ERC2: variants seen among roughly 807,000 people sequenced by gnomAD.
The protein encoded by ERC2 is ERC protein 2.
ERC2 carries 42 observed loss-of-function variants against 114.8 expected under a neutral mutation model. That is an observed-to-expected ratio of 0.37 (90% CI 0.29 to 0.47). The LOEUF is 0.47. Ranked by LOEUF, ERC2 falls within the 20% of genes least tolerant of loss-of-function variation. The pLI, the probability that ERC2 is intolerant of heterozygous loss-of-function variation, is 0.99. For synonymous variants in ERC2, 454 were observed against 425.5 expected (o/e 1.07, Z -0.82); for missense variants, 939 against 1,150.7 (o/e 0.82, Z 2.66).
intron 4 of ERC2, among the ~76,000 whole-genome samples, chr3:56,168,571 T>G (rs1487674827): frequency 2.6e-5 from 4 of 152,188 alleles, no homozygotes; most frequent in Non-Finnish European, 5.9e-5. Context: ...TATTGGGTTG[T>G]GCTGAGTAGT....
chr3:55,611,453 C>A (rs2058904996), intron 17 of ERC2, among the ~76,000 whole-genome samples: 1 of 152,208 alleles, frequency 6.6e-6, no homozygotes, highest in Non-Finnish European at 1.5e-5. Context: ...TCAGGAGAAG[C>A]AGGCTGGCTT....
At chr3:56,361,822 A>T (rs2058968611) in intron 2 of ERC2, among the ~76,000 whole-genome samples, 1 of 152,122 alleles carries the variant, frequency 6.6e-6, no homozygotes, top group Admixed American at 6.6e-5. Context: ...ATGCATCGTA[A>T]ATCATACACA....
chr3:55,743,261 G>A lies in ERC2; in HGVS notation c.2565-8343C>T, dbSNP rs747541141. Among the ~76,000 whole-genome samples the A allele has an allele frequency of 4.1e-5, 6 of 147,328 alleles. No individual in the cohort carries two copies. In the East Asian group the frequency reaches 1.2e-3, roughly 29 times the overall value. On this transcript the variant is annotated intron_variant, in intron 14 of 17. Transcript: ENST00000288221. ...AGCCAGGGAGGTGGCTGGCCCATCC[G>A]GCGGTTCCTCCAGTTTCTCCAACTG...
At chr3:56,045,211 A>G (rs901448417) in intron 7 of ERC2, among the ~76,000 whole-genome samples, 2 of 152,202 alleles carry the variant, frequency 1.3e-5, no homozygotes, top group African/African-American at 4.8e-5. Context: ...TCTCTAAAAG[A>G]GGGCGGTTAA....
At chr3:56,360,381 G>A (rs2058909230) in intron 2 of ERC2, among the ~76,000 whole-genome samples, 1 of 152,120 alleles carries the variant, frequency 6.6e-6, no homozygotes. Flanking sequence ...GACTCTGGCA[G>A]GTGTGGGGCC....
At chr3:56,096,722 G>A (rs762594183) in intron 6 of ERC2, among the ~76,000 whole-genome samples, 1 of 152,156 alleles carries the variant, frequency 6.6e-6, no homozygotes, top group Non-Finnish European at 1.5e-5. Context: ...ATGTGTGTGT[G>A]TTGTGTGCTA....
At chr3:56,382,779 T>G (rs1410737739) in intron 2 of ERC2, among the ~76,000 whole-genome samples, 1 of 152,132 alleles carries the variant, frequency 6.6e-6, no homozygotes, top group Admixed American at 6.6e-5. Flanking sequence ...ATGCAATCTT[T>G]CTGCTAATCA....
chr3:55,715,686 G>A (rs2064080119), intron 15 of ERC2, among the ~76,000 whole-genome samples: 1 of 151,968 alleles, frequency 6.6e-6, no homozygotes, highest in African/African-American at 2.4e-5. Flanking sequence ...AAAGAATAAA[G>A]CACCATAATG....
rs147382850 is a variant in ERC2 at position 56,405,121 on chromosome 3, T to C, written c.657+29230A>G. 2.3e-3 allele frequency among the ~76,000 whole-genome samples: 351 copies of C among 152,018 alleles called. 2 individuals are homozygous for C. Among genetic ancestry groups the C allele is most frequent in the Non-Finnish European group, 4.1e-3 (276 of 67,962 alleles). ...GGCAGAAAGGGCCAAAGCACAAAGG[T>C]TGGATACATTTGATGATGAAAAGAA... On this transcript the variant is annotated intron_variant, in intron 2 of 17. Transcript: ENST00000288221.
At chr3:55,953,316 AC>A (rs1423214030) in intron 12 of ERC2, among the ~76,000 whole-genome samples, 8 of 152,304 alleles carry the variant, frequency 5.3e-5, no homozygotes, top group African/African-American at 1.9e-4. Context: ...ATTTAAGACA[AC>A]AGTGACTGAA....
At chr3:55,574,689 T>C (rs1416450110) in intron 17 of ERC2, among the ~76,000 whole-genome samples, 4 of 152,164 alleles carry the variant, frequency 2.6e-5, no homozygotes, top group African/African-American at 7.2e-5. Flanking sequence ...TGCAGGGTGA[T>C]GCTCCTAAGA....
At chr3:55,959,176 G>A (rs546381860) in intron 12 of ERC2, among the ~76,000 whole-genome samples, 1 of 152,246 alleles carries the variant, frequency 6.6e-6, no homozygotes, top group South Asian at 2.1e-4. Context: ...GAAAACCTTG[G>A]GAGCAATCTT....
chr3:55,990,711 T>C (rs980032075), intron 11 of ERC2, among the ~76,000 whole-genome samples: 6 of 152,220 alleles, frequency 3.9e-5, no homozygotes, highest in Admixed American at 1.3e-4. Context: ...CCACCATATC[T>C]GGCCTTGATA....
chr3:55,663,497 C>T (rs1390230791), intron 17 of ERC2, among the ~76,000 whole-genome samples: 1 of 152,176 alleles, frequency 6.6e-6, no homozygotes, highest in Non-Finnish European at 1.5e-5. Context: ...CTTTCAGCTT[C>T]AAAGAAACAG....
chr3:55,641,986 C>G (rs1471264955), intron 17 of ERC2, among the ~76,000 whole-genome samples: 1 of 152,186 alleles, frequency 6.6e-6, no homozygotes. Flanking sequence ...GGCCAGAAAT[C>G]ATTTGCATGG....
At chr3:55,884,096 T>C (rs1463368881) in intron 14 of ERC2, among the ~76,000 whole-genome samples, 1 of 152,238 alleles carries the variant, frequency 6.6e-6, no homozygotes, top group East Asian at 1.9e-4. Context: ...GAGAACCCTC[T>C]TTATAATATT....
intron 16 of ERC2, among the ~76,000 whole-genome samples, chr3:55,697,746 T>A (rs2063009079): frequency 6.6e-6 from 1 of 152,080 alleles, no homozygotes. Flanking sequence ...TATGGTACTC[T>A]CTGTTTTTGT....
intron 10 of ERC2, among the ~76,000 whole-genome samples, chr3:55,996,674 C>A (rs1013863432): frequency 6.6e-6 from 1 of 152,128 alleles, no homozygotes; most frequent in African/African-American, 2.4e-5. Context: ...CCAAAACAAA[C>A]TCTGGAGTCT....
chr3:55,846,422 T>A (rs1276055737), intron 14 of ERC2, among the ~76,000 whole-genome samples: 1 of 152,224 alleles, frequency 6.6e-6, no homozygotes, highest in Non-Finnish European at 1.5e-5. Flanking sequence ...GTTGATTCCA[T>A]GTCTTTGCTA....
Sources: allele counts gnomAD v4.1 joint callset (sites outside exome capture counted in the v4.1 genomes callset), GRCh38; gene constraint gnomAD v4.1.1; transcripts MANE v1.5; gene names NCBI Gene and HGNC (gene_info 2026-07-23, HGNC 2026-07-21).